Variants in IREB2 observed in about 807,000 individuals in gnomAD.
The protein encoded by IREB2 is iron responsive element binding protein 2.
IREB2 carries 39 observed loss-of-function variants against 118.8 expected under a neutral mutation model. The ratio of observed to expected loss-of-function variants is 0.33; its 90% CI spans 0.25 to 0.43. The LOEUF is 0.43. Among genes scored for constraint, IREB2 ranks in the 20% least tolerant of loss-of-function variants. The pLI is 1.00. For missense variants in IREB2, 900 were observed against 1,147.3 expected (o/e 0.78, Z 3.11); for synonymous variants, 372 against 392.2 (o/e 0.95, Z 0.61).
chr15:78,482,028 G>A (rs2051582646), intron 10 of IREB2, among the ~76,000 whole-genome samples: 1 of 152,122 alleles, frequency 6.6e-6, no homozygotes, highest in Non-Finnish European at 1.5e-5. Context: ...GATTGCTTGA[G>A]CTCAGGACCA....
chr15:78,455,322 A>G (rs988015980), intron 2 of IREB2, among the ~76,000 whole-genome samples: 1 of 152,216 alleles, frequency 6.6e-6, no homozygotes, highest in African/African-American at 2.4e-5. Context: ...GTTGGAGCAC[A>G]AGAGCGTATG....
At chr15:78,471,584 C>T (rs1300782731) in intron 6 of IREB2, among the ~76,000 whole-genome samples, 157 bp from the exon 7 acceptor site, 1 of 152,152 alleles carries the variant, frequency 6.6e-6, no homozygotes, top group African/African-American at 2.4e-5. Flanking sequence ...CATTTAGGTT[C>T]AGTATCTGTA....
chr15:78,492,750 A>G (rs1013540262), intron 18 of IREB2, among the ~76,000 whole-genome samples: 1 of 152,046 alleles, frequency 6.6e-6, no homozygotes, highest in African/African-American at 2.4e-5. Flanking sequence ...TGTAGAGATG[A>G]GATCTCCCTT....
intron 10 of IREB2, among the ~76,000 whole-genome samples, chr15:78,480,456 G>C (rs989203717): frequency 6.6e-6 from 1 of 151,872 alleles, no homozygotes; most frequent in Non-Finnish European, 1.5e-5. Flanking sequence ...GAGGCAGGCA[G>C]ATCACCTCCT....
intron 20 of IREB2, among the ~76,000 whole-genome samples, chr15:78,495,008 C>T (rs1056274290): frequency 2.6e-5 from 4 of 152,194 alleles, no homozygotes; most frequent in Non-Finnish European, 5.9e-5. Flanking sequence ...GCCTGGCTGT[C>T]TGCCAGGAGG....
Position 78,466,341 on chromosome 15 carries a change from G to A in IREB2, c.481G>A (p.Val161Met), listed in dbSNP as rs768166337. 3 of 1,614,036 alleles carry A rather than the reference G, an allele frequency of 1.9e-6. No homozygotes were observed. The highest frequency in any genetic ancestry group is 1.7e-4 in the Middle Eastern group (1 of 6,048). Residue 161 changes from valine (V) to methionine (M), a missense_variant, in exon 5 of 22, where the codon GTG (valine) becomes ATG (methionine). By Grantham distance (21) the Val-to-Met change is conservative (BLOSUM62 1). Transcript: ENST00000258886. ...AGCAGGAAAGCTCTCTCCACTTAAA[G>A]TGCAGCCTAAGAAGCTTCCCTGCAG... The part of the protein sequence containing the change: ...QKAGKLSPLK[V>M]QPKKLPCRGQ...
intron 2 of IREB2, among the ~76,000 whole-genome samples, chr15:78,449,895 A>G (rs1288325755): frequency 8.5e-5 from 13 of 152,292 alleles, no homozygotes; most frequent in Admixed American, 7.8e-4. Flanking sequence ...TAGAAGTGTG[A>G]TGACACGAAT....
intron 1 of IREB2, 79 bp downstream of exon 1, chr15:78,438,435 C>A: frequency 6.6e-7 from 1 of 1,506,178 alleles, no homozygotes; most frequent in Middle Eastern, 1.8e-4. Context: ...GCTTTTCTCG[C>A]CTGGAGTCGC....
chr15:78,455,115 G>C (rs1236408715), intron 2 of IREB2, among the ~76,000 whole-genome samples: 1 of 152,118 alleles, frequency 6.6e-6, no homozygotes, highest in African/African-American at 2.4e-5. Flanking sequence ...TGGGGTAAAA[G>C]AACAAAGAGG....
At chr15:78,482,909 G>A (rs1319172826) in intron 10 of IREB2, among the ~76,000 whole-genome samples, 2 of 152,006 alleles carry the variant, frequency 1.3e-5, no homozygotes, top group African/African-American at 2.4e-5. Context: ...CACCACGCCC[G>A]GCTAATTTTT....
intron 2 of IREB2, among the ~76,000 whole-genome samples, chr15:78,442,923 C>T (rs973283537): frequency 6.6e-6 from 1 of 152,062 alleles, no homozygotes; most frequent in African/African-American, 2.4e-5. Flanking sequence ...ATGATAAAAG[C>T]CCTCTCCAGG....
At chr15:78,454,889 G>A (rs1159345296) in intron 2 of IREB2, among the ~76,000 whole-genome samples, 2 of 152,084 alleles carry the variant, frequency 1.3e-5, no homozygotes, top group Admixed American at 6.6e-5. Context: ...AGATGATCTT[G>A]TTATGTTGCC....
intron 1 of IREB2, 57 bp downstream of exon 1, chr15:78,438,413 G>C: frequency 6.4e-7 from 1 of 1,561,986 alleles, no homozygotes; most frequent in Non-Finnish European, 8.7e-7. Context: ...CTGCCTAGGC[G>C]CCGAATTCCT....
chr15:78,482,963 TCTC>T (rs1446060861), intron 10 of IREB2, among the ~76,000 whole-genome samples: 1 of 152,080 alleles, frequency 6.6e-6, no homozygotes, highest in African/African-American at 2.4e-5. Flanking sequence ...ATGGTCTTGA[TCTC>T]CTGACCTCGT....
At chr15:78,467,304 A>G (rs916311218) in intron 5 of IREB2, among the ~76,000 whole-genome samples, 3 of 151,956 alleles carry the variant, frequency 2.0e-5, no homozygotes, top group Admixed American at 6.6e-5. Context: ...GATTTCCTAT[A>G]TGGTAACATG....
At chr15:78,489,578 C>A (rs763897638) in intron 16 of IREB2, among the ~76,000 whole-genome samples, 1 of 152,084 alleles carries the variant, frequency 6.6e-6, no homozygotes, top group Non-Finnish European at 1.5e-5. Flanking sequence ...GTGCAGTGGC[C>A]TGAAGCAGCT....
chr15:78,488,793 TAAATAGTTTAATC>T, intron 16 of IREB2, 22 bp downstream of exon 16: 1 of 1,329,710 alleles, frequency 7.5e-7, no homozygotes, highest in Non-Finnish European at 1.1e-6. Context: ...ATGTGTTTCT[TAAATAGTTTAATC>T]AATTTGCAGT....
In IREB2 at chr15:78,497,234, T is replaced by C. The variant is rs2051851149; in HGVS notation, c.2704T>C (p.Leu902=). The change falls in exon 21 of 22, where the codon TTG becomes CTG. Residue 902 remains leucine, a synonymous_variant. Coordinates refer to ENST00000258886, the MANE Select transcript of IREB2 (RefSeq NM_004136.4). The part of the protein sequence containing the change: ...QFLPGENADS[L]GLSGRETFSL... Reference sequence around the variant, plus strand: ...CCTTCCAGGAGAAAATGCAGATTCCTTGGGCCTCTCCGGTAGAGAAACATT... The same window carrying C: ...CCTTCCAGGAGAAAATGCAGATTCCCTGGGCCTCTCCGGTAGAGAAACATT... The C allele has an allele frequency of 5.0e-6, 8 of 1,613,800 alleles. No homozygotes were observed. Among genetic ancestry groups the C allele is most frequent in the African/African-American group, 1.3e-5 (1 of 74,940 alleles).
intron 2 of IREB2, among the ~76,000 whole-genome samples, chr15:78,459,291 C>G (rs1595991842): frequency 6.6e-6 from 1 of 152,052 alleles, no homozygotes; most frequent in African/African-American, 2.4e-5. Flanking sequence ...ATTGTTATAC[C>G]TAACAAAATT....
Sources: allele counts gnomAD v4.1 joint callset (sites outside exome capture counted in the v4.1 genomes callset), GRCh38; gene constraint gnomAD v4.1.1; transcripts MANE v1.5; gene names NCBI Gene and HGNC (gene_info 2026-07-23, HGNC 2026-07-21).